Variants in DISC1 observed in about 807,000 individuals in gnomAD.
DISC1 encodes the protein DISC1 scaffold protein, also known as disrupted in schizophrenia 1 protein.
Under a neutral mutation model 84.5 loss-of-function variants are expected in DISC1, and 57 were observed. That is an observed-to-expected ratio of 0.67 (90% confidence interval 0.55 to 0.84). The LOEUF is 0.84. DISC1 is among the 40% of genes least tolerant of loss of function. The pLI is 0.00. For missense variants in DISC1, 1,000 were observed against 1,057.8 expected (o/e 0.95, Z 0.76); for synonymous variants, 411 against 415.2 (o/e 0.99, Z 0.12).
chr1:231,730,714 G>A (rs1020133928), intron 3 of DISC1, among the ~76,000 whole-genome samples: 2 of 152,132 alleles, frequency 1.3e-5, no homozygotes, highest in Admixed American at 6.5e-5. Context: ...ATGCTATAAA[G>A]AATTATTCTT....
chr1:231,792,943 G>T (rs1189513649), intron 6 of DISC1, among the ~76,000 whole-genome samples: 2 of 152,176 alleles, frequency 1.3e-5, no homozygotes, highest in Non-Finnish European at 2.9e-5. Context: ...CCCCACCTCT[G>T]TCAAACCTCA....
intron 6 of DISC1, among the ~76,000 whole-genome samples, chr1:231,780,237 T>TAAAAAA (rs11451092): frequency 6.7e-5 from 7 of 103,840 alleles, no homozygotes; most frequent in East Asian, 2.3e-4. Flanking sequence ...TAAAGTATAA[T>TAAAAAA]AAAAAAAAAA....
rs1342735763 is a variant in DISC1 at position 231,959,037 on chromosome 1, A to G, written c.2042+149A>G. ...ACAAAAAAGCCTTTTGAACCCCATC[A>G]GTGAAAGAGCAGGTGCCAGCCCTCA... On this transcript the variant is annotated intron_variant, in intron 10 of 12. Transcript: ENST00000439617. 4 of 1,427,938 alleles carry G rather than the reference A, an allele frequency of 2.8e-6. No individual in the cohort carries two copies. In the East Asian group the frequency reaches 7.8e-5, roughly 28 times the overall value. The allele number at this position is 1,427,938 out of a possible 1,614,324, so 88.5% of individuals were successfully genotyped here.
rs892052176 is a variant in DISC1, at chr1:232,009,805, T to C, written c.2307+756T>C. On this transcript the variant is annotated intron_variant, in intron 11 of 12. Transcript: ENST00000439617. The surrounding 1 kb of genome is among the most constrained non-coding windows in gnomAD (Gnocchi z 4.6). ...TGACCTGAGTCTTCAGAGCTCTTTG[T>C]TGGCCCAGGTTCACAGGTGTTGTGA... 1.1e-4 allele frequency among the ~76,000 whole-genome samples: 17 copies of C among 152,200 alleles called. No homozygotes were observed. The highest frequency in any genetic ancestry group is 4.1e-4 in the African/African-American group (17 of 41,456).
chr1:231,987,015 G>A (rs73099084), intron 10 of DISC1, among the ~76,000 whole-genome samples: 4,485 of 152,118 alleles, frequency 0.029, 215 homozygotes, highest in African/African-American at 0.1. Flanking sequence ...TTACTTTCTC[G>A]TCCTTATTTT....
intron 12 of DISC1, among the ~76,000 whole-genome samples, chr1:232,029,436 C>T (rs1669791192): frequency 6.6e-6 from 1 of 152,218 alleles, no homozygotes. Context: ...CAAATTAGAG[C>T]TTATCTAGAG....
intron 9 of DISC1, among the ~76,000 whole-genome samples, chr1:231,883,266 A>AT (rs1304269956): frequency 6.6e-6 from 1 of 152,162 alleles, no homozygotes; most frequent in Non-Finnish European, 1.5e-5. Context: ...ATTTCTGCTA[A>AT]TAAGTACCTA....
intron 1 of DISC1, among the ~76,000 whole-genome samples, chr1:231,634,455 A>G (rs2059020320): frequency 1.3e-5 from 2 of 152,202 alleles, no homozygotes; most frequent in Admixed American, 6.5e-5. Flanking sequence ...AAGTTTGCGT[A>G]TTTCAGTACA....
chr1:231,947,460 G>A (rs1370583222), intron 9 of DISC1, among the ~76,000 whole-genome samples: 1 of 152,118 alleles, frequency 6.6e-6, no homozygotes, highest in Non-Finnish European at 1.5e-5. Context: ...ATCAACTCAA[G>A]ATGGATCAGA....
intron 10 of DISC1, among the ~76,000 whole-genome samples, chr1:231,963,762 C>T (rs756790407): frequency 5.3e-5 from 8 of 152,200 alleles, no homozygotes; most frequent in Non-Finnish European, 8.8e-5. Context: ...GCAAGACTCA[C>T]GTCTCCAACA....
rs1307667551 is a variant in DISC1 at position 231,650,373 on chromosome 1, GA to G, written c.67+23441del. ...CTGGGCTGAAAATTCATTTCTTTAA[GA>G]ATATTGAATATTGGCCCCCACTCTC... On this transcript the variant is annotated intron_variant, in intron 1 of 12. Transcript: ENST00000439617. Among the ~76,000 whole-genome samples the G allele has an allele frequency of 6.6e-5, 10 of 152,270 alleles. No individual in the cohort carries two copies. The East Asian group carries it at 1.9e-3, about 29-fold the overall frequency.
At chr1:231,708,561 C>G (rs550210140) in intron 3 of DISC1, among the ~76,000 whole-genome samples, 11 of 152,336 alleles carry the variant, frequency 7.2e-5, no homozygotes, top group African/African-American at 2.6e-4. Context: ...TGGGCACATT[C>G]TCATTCGTTG....
intron 4 of DISC1, 57 bp downstream of exon 4, chr1:231,750,133 C>T (rs2074452214): frequency 3.2e-6 from 5 of 1,580,358 alleles, no homozygotes; most frequent in Non-Finnish European, 4.3e-6. Context: ...CCTCTCAGCT[C>T]CCACATAGTG....
intron 3 of DISC1, among the ~76,000 whole-genome samples, chr1:231,703,182 G>A (rs1295156371): frequency 6.6e-6 from 1 of 152,198 alleles, no homozygotes; most frequent in African/African-American, 2.4e-5. Flanking sequence ...AAAGTCACGG[G>A]GCATGGGAGG....
At position 231,943,064 on chromosome 1, in the gene DISC1, C is replaced by A. The variant is rs191895706; in HGVS notation, c.1982-15764C>A. On this transcript the variant is annotated intron_variant, in intron 9 of 12. Transcript: ENST00000439617. Reference sequence around the variant, plus strand: ...AGCCTCACCACTAATACATGTGGGGCTGGGGCCGTGATACAGCCCAAGGCC... The same window carrying A: ...AGCCTCACCACTAATACATGTGGGGATGGGGCCGTGATACAGCCCAAGGCC... Among the ~76,000 whole-genome samples, 65 of 152,344 alleles carry A rather than the reference C, an allele frequency of 4.3e-4. 1 individual carries two copies. In the East Asian group the frequency reaches 0.013, roughly 29 times the overall value.
At chr1:231,647,141 G>A (rs1434718469) in intron 1 of DISC1, among the ~76,000 whole-genome samples, 1 of 152,202 alleles carries the variant, frequency 6.6e-6, no homozygotes, top group Non-Finnish European at 1.5e-5. Context: ...CCTTGCCCAT[G>A]CCTATGTCCT....
At chr1:232,029,696 G>A (rs911252450) in intron 12 of DISC1, among the ~76,000 whole-genome samples, 2 of 152,214 alleles carry the variant, frequency 1.3e-5, no homozygotes, top group Non-Finnish European at 2.9e-5. Context: ...CACATTGGAC[G>A]TCCACGTCTG....
chr1:231,654,788 T>G (rs2060924953), intron 1 of DISC1, among the ~76,000 whole-genome samples: 1 of 152,204 alleles, frequency 6.6e-6, no homozygotes, highest in African/African-American at 2.4e-5. Flanking sequence ...AGCAAATCCC[T>G]AAGTTTTTTT....
chr1:231,703,670 C>G (rs535384799), intron 3 of DISC1, among the ~76,000 whole-genome samples: 3 of 152,294 alleles, frequency 2.0e-5, no homozygotes, highest in Non-Finnish European at 2.9e-5. Context: ...GACCTCACTT[C>G]TTTAATCTTT....
Sources: allele counts gnomAD v4.1 joint callset (sites outside exome capture counted in the v4.1 genomes callset), GRCh38; gene constraint gnomAD v4.1.1; non-coding constraint Gnocchi (gnomAD v3.1); transcripts MANE v1.5; gene names NCBI Gene and HGNC (gene_info 2026-07-23, HGNC 2026-07-21).